TSC2: variants seen among roughly 807,000 people sequenced by gnomAD.
The protein encoded by TSC2 is tuberin.
In TSC2, 29 loss-of-function variants were observed where a neutral mutation model predicts 202.2. That is an observed-to-expected ratio of 0.14 (90% CI 0.11 to 0.20). The LOEUF (loss-of-function observed/expected upper bound fraction) is 0.20, where lower values mean the gene tolerates loss of function less well. Among genes scored for constraint, TSC2 ranks in the 10% least tolerant of loss-of-function variants. The pLI, the probability that TSC2 is intolerant of heterozygous loss-of-function variation, is 1.00. For missense variants in TSC2, 2,429 were observed against 2,420.0 expected (o/e 1.00, Z -0.08); for synonymous variants, 1,349 against 1,044.0 (o/e 1.29, Z -5.63).
At position 2,066,598 on chromosome 16, in the gene TSC2, G is replaced by A. The variant is rs558807915; in HGVS notation, c.1716+963G>A. 6 of 151,652 alleles carry A rather than the reference G, an allele frequency of 4.0e-5. No individual in the cohort carries two copies. The East Asian group carries it at 1.2e-3, about 29-fold the overall frequency. The allele number at this position is 151,652 out of a possible 1,614,324, so 9.4% of individuals were successfully genotyped here. ...AGGCGATACCAGGCTGTTTTCCACT[G>A]GTGCTGTGCCATTTTCCATCCACTC... On this transcript the variant is annotated intron_variant, in intron 16 of 41. Coordinates refer to ENST00000219476, the MANE Select transcript of TSC2 (RefSeq NM_000548.5).
chr16:2,085,314 G>A lies in TSC2; in HGVS notation c.4654G>A (p.Glu1552Lys), dbSNP rs397514942. ...THKIAVLYVG[E>K]GQSNSELAIL... ...CAAGATCGCCGTCCTGTATGTTGGA[G>A]AAGGCCAGGTGAGGCTGCGGGGCCG... Residue 1552 changes from glutamate (E) to lysine (K), a missense_variant, in exon 36 of 42, where the codon GAA (glutamate) becomes AAA (lysine). By Grantham distance (56) the Glu-to-Lys change is moderately conservative. Transcript: ENST00000219476. 6.2e-7 allele frequency: 1 copy of A among 1,612,710 alleles called. No homozygotes were observed. The highest frequency in any genetic ancestry group is 8.5e-7 in the Non-Finnish European group (1 of 1,179,938).
chr16:2,059,399 A>G (rs1464665808), intron 10 of TSC2, among the ~76,000 whole-genome samples: 4 of 134,704 alleles, frequency 3.0e-5, no homozygotes, highest in Admixed American at 2.3e-4. Context: ...GTGGAGTGCA[A>G]TGGTGCGATC....
chr16:2,064,564 T>A, intron 15 of TSC2, 137 bp downstream of exon 15: 9 of 1,369,166 alleles, frequency 6.6e-6, no homozygotes, highest in African/African-American at 1.4e-5. Context: ...CCCTGCAGGG[T>A]GGGTGTCCCG....
rs1325929590 is a variant in TSC2 at position 2,064,682 on chromosome 16, C to T, written c.1599+255C>T. ...AGCTGGGCTGGGCCTCCTGGACCGA[C>T]GCTGGAGCCCAGACCTGGGGCTGGG... is the stretch of plus-strand genomic sequence containing the variant. On this transcript the variant is annotated intron_variant, in intron 15 of 41. Coordinates refer to ENST00000219476, the MANE Select transcript of TSC2 (RefSeq NM_000548.5). 12 of 574,228 alleles carry T rather than the reference C, an allele frequency of 2.1e-5. No individual in the cohort carries two copies. The East Asian group carries it at 2.5e-4, about 12-fold the overall frequency. The allele number at this position is 574,228 out of a possible 1,614,324, so 35.6% of individuals were successfully genotyped here.
At chr16:2,062,691 T>C in intron 13 of TSC2, 91 bp downstream of exon 13, 13 of 1,330,800 alleles carry the variant, frequency 9.8e-6, no homozygotes, top group East Asian at 5.0e-5. Flanking sequence ...GGATGCCCGA[T>C]GAGCAGGGCC....
chr16:2,080,515 G>A, intron 30 of TSC2, 138 bp downstream of exon 30: 1 of 1,010,488 alleles, frequency 9.9e-7, no homozygotes, highest in Non-Finnish European at 1.4e-6. Context: ...ACAGAGTCTT[G>A]CTCTGTGGCC....
intron 10 of TSC2, among the ~76,000 whole-genome samples, chr16:2,059,818 C>T (rs1463905188): frequency 6.6e-6 from 1 of 152,146 alleles, no homozygotes; most frequent in Non-Finnish European, 1.5e-5. Flanking sequence ...CGTGCCCGGC[C>T]AAGGCTAATG....
chr16:2,051,734 C>T (rs775631847), intron 3 of TSC2, among the ~76,000 whole-genome samples: 8 of 152,160 alleles, frequency 5.3e-5, no homozygotes, highest in Non-Finnish European at 7.4e-5. Flanking sequence ...TCATCTGAAA[C>T]GTGCTGGCCG....
Position 2,089,241 on chromosome 16 carries a change from G to C in TSC2, c.*631G>C, listed in dbSNP as rs999612084. On this transcript the variant is annotated 3_prime_UTR_variant, in exon 42 of 42. Coordinates refer to ENST00000219476, the MANE Select transcript of TSC2 (RefSeq NM_000548.5). ...GCCCCTCAGCCCTAGTGAAAATAGTGACATACAAAAATATACACATTTTAA... is the reference window on the plus strand; with the variant it reads ...GCCCCTCAGCCCTAGTGAAAATAGTCACATACAAAAATATACACATTTTAA... 5.7e-6 allele frequency: 1 copy of C among 175,072 alleles called. No homozygotes were observed. The highest frequency in any genetic ancestry group is 1.5e-4 in the East Asian group (1 of 6,462). The allele number at this position is 175,072 out of a possible 1,614,324, so 10.8% of individuals were successfully genotyped here.
rs375075952 is a variant in TSC2 at position 2,088,452 on chromosome 16, G to A, written c.5266G>A (p.Glu1756Lys). 14 of 1,612,638 alleles carry A rather than the reference G, an allele frequency of 8.7e-6. No homozygotes were observed. Among genetic ancestry groups the A allele is most frequent in the Admixed American group, 6.7e-5 (4 of 60,000 alleles). The change falls in exon 42 of 42, where the codon GAG becomes AAG. Residue 1756 changes from glutamate (E) to lysine (K), a missense_variant. Coordinates refer to ENST00000219476, the MANE Select transcript of TSC2 (RefSeq NM_000548.5). Reference protein sequence around the residue: ...HIKRLRQRICEEAAYSNPSLP... With the variant: ...HIKRLRQRICKEAAYSNPSLP... The stretch of plus-strand genomic sequence containing the variant: ...AAGCCGCCTCTGCCTTCAGATCTGC[G>A]AGGAAGCCGCCTACTCCAACCCCAG...
At chr16:2,075,597 A>G (rs2089212472) in intron 22 of TSC2, among the ~76,000 whole-genome samples, 1 of 151,130 alleles carries the variant, frequency 6.6e-6, no homozygotes, top group African/African-American at 2.4e-5. Flanking sequence ...GGTAGGCGAC[A>G]GCTCGAATTG....
At chr16:2,049,359 T>G (rs533119561) in intron 2 of TSC2, among the ~76,000 whole-genome samples, 9 of 152,018 alleles carry the variant, frequency 5.9e-5, no homozygotes, top group African/African-American at 1.9e-4. Context: ...GTGCTGGGAT[T>G]ACAGGCATGA....
At position 2,048,646 on chromosome 16, in the gene TSC2, T is replaced by C. The variant is rs978517404; in HGVS notation, c.31T>C (p.Leu11=). MAKPTSKDSG[L]KEKFKILLGL... ...CAAACCAACAAGCAAAGATTCAGGC[T>C]TGAAGGAGAAGTTTAAGATTCTGTT... Residue 11 remains leucine (L), a synonymous_variant, in exon 2 of 42, where the codon TTG becomes CTG. Transcript: ENST00000219476. The C allele has an allele frequency of 6.2e-7, 1 of 1,613,894 alleles. No individual in the cohort carries two copies. The highest frequency in any genetic ancestry group is 8.5e-7 in the Non-Finnish European group (1 of 1,180,020).
At position 2,072,224 on chromosome 16, in the gene TSC2, G is replaced by A. The variant is rs759006353; in HGVS notation, c.2098-17G>A. On this transcript the variant is annotated splice_polypyrimidine_tract_variant and intron_variant, in intron 19 of 41. Coordinates refer to ENST00000219476, the MANE Select transcript of TSC2 (RefSeq NM_000548.5). ...AGGGTCCAGAAGGCCCTGTCCTGAC[G>A]CCTCCTCTCCTCGCAGGAGTCTGAC... The A allele has an allele frequency of 5.6e-6, 9 of 1,613,782 alleles. No homozygotes were observed. Among genetic ancestry groups the A allele is most frequent in the African/African-American group, 1.3e-5 (1 of 75,074 alleles).
intron 36 of TSC2, among the ~76,000 whole-genome samples, chr16:2,085,919 C>T (rs1011985399): frequency 2.0e-5 from 3 of 152,216 alleles, no homozygotes; most frequent in Admixed American, 6.5e-5. Context: ...GGGTAGGCCC[C>T]TGGGGGCAGG....
intron 6 of TSC2, 48 bp downstream of exon 6, chr16:2,055,567 C>G (rs766185300): frequency 6.4e-7 from 1 of 1,551,506 alleles, no homozygotes; most frequent in Non-Finnish European, 8.9e-7. Context: ...CTAAGTTCAG[C>G]TCCGCAGTGA....
chr16:2,082,320 T>G (rs1252905598), intron 31 of TSC2, 116 bp from the exon 32 acceptor site: 14 of 1,261,566 alleles, frequency 1.1e-5, no homozygotes, highest in Non-Finnish European at 1.5e-5. Context: ...TGCGCGCCCC[T>G]GCCGGCCGCT....
intron 26 of TSC2, 71 bp from the exon 27 acceptor site, chr16:2,078,961 G>A (rs1185046404): frequency 6.3e-7 from 1 of 1,599,024 alleles, no homozygotes; most frequent in African/African-American, 1.3e-5. Flanking sequence ...GTTGAGCTTT[G>A]GCCCTTGGTG....
intron 22 of TSC2, 81 bp from the exon 23 acceptor site, chr16:2,075,718 C>T (rs955206910): frequency 3.6e-5 from 53 of 1,468,290 alleles, no homozygotes; most frequent in African/African-American, 1.1e-4. Context: ...CCATCGCTGC[C>T]GTGGGCAGAG....
Sources: allele counts gnomAD v4.1 joint callset (sites outside exome capture counted in the v4.1 genomes callset), GRCh38; gene constraint gnomAD v4.1.1; transcripts MANE v1.5; gene names NCBI Gene and HGNC (gene_info 2026-07-23, HGNC 2026-07-21).